The following NDUFS2 variants were observed in gnomAD, a reference collection of about 807,000 sequenced individuals.
The protein encoded by NDUFS2 is NADH:ubiquinone oxidoreductase core subunit S2, also known as NADH dehydrogenase [ubiquinone] iron-sulfur protein 2, mitochondrial.
NDUFS2 carries 38 observed loss-of-function variants against 69.6 expected under a neutral mutation model. The ratio of observed to expected loss-of-function variants is 0.55; its 90% CI spans 0.42 to 0.72. The LOEUF is 0.72. NDUFS2 is among the 30% of genes least tolerant of loss of function. The probability of loss-of-function intolerance (pLI) is 0.00; values close to 1 mark genes in which losing one functional copy is unlikely to be tolerated. For missense variants in NDUFS2, 468 were observed against 595.0 expected (o/e 0.79, Z 2.22); for synonymous variants, 194 against 211.2 (o/e 0.92, Z 0.70).
chr1:161,203,789 A>G, intron 2 of NDUFS2: 1 of 506,626 alleles, frequency 2.0e-6, no homozygotes, highest in South Asian at 2.0e-5. Context: ...TTTTGTAGAG[A>G]CAGAGTCTTG....
upstream of NDUFS2, chr1:161,198,069 C>G (rs1259613493): frequency 6.2e-7 from 1 of 1,610,400 alleles, no homozygotes; most frequent in Admixed American, 1.7e-5. This position sits in a 1 kb window ranked among gnomAD's most constrained non-coding sequence, Gnocchi z 4.7. Context: ...TGACCGCTGG[C>G]AGGACTCTTC....
rs773625598 is a variant in NDUFS2, at chr1:161,213,406, C to T, written c.1143C>T (p.His381=). The part of the protein sequence containing the change: ...MKTSMESLIH[H]FKLYTEGYQV... Reference sequence around the variant, plus strand: ...CTTCCATGGAGTCACTGATTCATCACTTTAAGTTGTATACTGAGGGCTACC... The same window carrying T: ...CTTCCATGGAGTCACTGATTCATCATTTTAAGTTGTATACTGAGGGCTACC... Residue 381 remains histidine, a synonymous_variant, in exon 11 of 14, where the codon CAC becomes CAT. Transcript: ENST00000676972. 4 of 1,610,750 alleles carry T rather than the reference C, an allele frequency of 2.5e-6. No individual in the cohort carries two copies. Among genetic ancestry groups the T allele is most frequent in the Non-Finnish European group, 8.5e-7 (1 of 1,178,132 alleles).
upstream of NDUFS2, chr1:161,198,061 A>G (rs776809346): frequency 6.8e-6 from 11 of 1,607,982 alleles, no homozygotes; most frequent in Non-Finnish European, 9.4e-6. The surrounding 1 kb of genome is among the most constrained non-coding windows in gnomAD (Gnocchi z 4.7). Flanking sequence ...TGGGACCTTG[A>G]CCGCTGGCAG....
Position 161,212,461 on chromosome 1 carries a change from C to T in NDUFS2, c.1097C>T (p.Pro366Leu). Residue 366 changes from proline to leucine, a missense_variant, in exon 10 of 14, where the codon CCT becomes CTT. By Grantham distance (98) the Pro-to-Leu change is moderately conservative (BLOSUM62 -3). Coordinates refer to ENST00000676972, the MANE Select transcript of NDUFS2 (RefSeq NM_001377299.1). Reference protein sequence around the residue: ...IKVDDAKVSPPKRAEMKTSME... With the variant: ...IKVDDAKVSPLKRAEMKTSME... ...GTTGATGATGCCAAAGTGTCTCCAC[C>T]TAAGCGAGCAGAGATGAAGGTTGGC... 2 of 1,613,584 alleles carry T rather than the reference C, an allele frequency of 1.2e-6. No homozygotes were observed. Among genetic ancestry groups the T allele is most frequent in the Non-Finnish European group, 1.7e-6 (2 of 1,179,886 alleles).
At chr1:161,200,642 C>T (rs1291252773), upstream of NDUFS2, among the ~76,000 whole-genome samples, 3 of 152,096 alleles carry the variant, frequency 2.0e-5, no homozygotes, top group East Asian at 5.8e-4. Flanking sequence ...TTGTGACTGC[C>T]AGACCCACCT....
chr1:161,209,032 C>A (rs997351292), intron 3 of NDUFS2, among the ~76,000 whole-genome samples, 161 bp from the exon 4 acceptor site: 3 of 152,154 alleles, frequency 2.0e-5, no homozygotes, highest in Non-Finnish European at 4.4e-5. Context: ...TAGAATACTA[C>A]TGGTTTTTGG....
intron 8 of NDUFS2, 27 bp downstream of exon 8, chr1:161,210,416 AGGAGTGGGGGTG>A: frequency 6.2e-7 from 1 of 1,606,864 alleles, no homozygotes; most frequent in Non-Finnish European, 8.5e-7. Context: ...TTCTCTCCGT[AGGAGTGGGGGTG>A]GGAGTGGGGG....
chr1:161,204,219 C>CA (rs1480343711), intron 2 of NDUFS2, among the ~76,000 whole-genome samples: 1 of 152,172 alleles, frequency 6.6e-6, no homozygotes, highest in Admixed American at 6.6e-5. Flanking sequence ...TACATGAATA[C>CA]AAACCATTTT....
At chr1:161,208,141 C>T (rs1040413679) in intron 3 of NDUFS2, among the ~76,000 whole-genome samples, 4 of 151,948 alleles carry the variant, frequency 2.6e-5, no homozygotes, top group Admixed American at 6.6e-5. Flanking sequence ...CTCACCACCA[C>T]GCCCAGCTAA....
In NDUFS2 at chr1:161,212,565, T is replaced by C. The variant is rs575606864; in HGVS notation, c.1116+85T>C. ...AGTATCCTTGGATTAAATCCTATCTTTTGGTTTTCTTTTTTTTTTGAGACA... is the reference window on the plus strand; with the variant it reads ...AGTATCCTTGGATTAAATCCTATCTCTTGGTTTTCTTTTTTTTTTGAGACA... On this transcript the variant is annotated intron_variant, in intron 10 of 13. Transcript: ENST00000676972. The C allele has an allele frequency of 2.1e-3, 3,207 of 1,547,104 alleles. 8 individuals are homozygous for C. The highest frequency in any genetic ancestry group is 3.1e-3 in the Middle Eastern group (15 of 4,786).
In NDUFS2 at chr1:161,202,393, C is replaced by T. The variant is rs1307069883; in HGVS notation, c.8C>T (p.Ala3Val). 3.1e-6 allele frequency: 5 copies of T among 1,611,584 alleles called. No individual in the cohort carries two copies. The highest frequency in any genetic ancestry group is 1.3e-5 in the African/African-American group (1 of 74,892). Reference sequence around the variant, plus strand: ...GTCTGCAGCCGGAGTAAGATGGCGGCGCTGAGGGCTTTGTGCGGCTTCCGG... The same window carrying T: ...GTCTGCAGCCGGAGTAAGATGGCGGTGCTGAGGGCTTTGTGCGGCTTCCGG... The part of the protein sequence containing the change: MA[A>V]LRALCGFRGV... The change falls in exon 1 of 14, where the codon GCG becomes GTG. Residue 3 changes from alanine to valine, a missense_variant. Physicochemically the swap from Ala to Val is moderately conservative, Grantham distance 64. Transcript: ENST00000676972.
chr1:161,209,325 C>T lies in NDUFS2; in HGVS notation c.514+12C>T. 6.2e-7 allele frequency: 1 copy of T among 1,614,122 alleles called. No individual in the cohort carries two copies. The highest frequency in any genetic ancestry group is 8.5e-7 in the Non-Finnish European group (1 of 1,180,030). On this transcript the variant is annotated intron_variant, in intron 4 of 13. Transcript: ENST00000676972. The stretch of plus-strand genomic sequence containing the variant: ...ACAGTGGATCCGAGGTATGTCCCCC[C>T]AACTTTTTCTGTGGCCCACTGTGAG...
upstream of NDUFS2, chr1:161,198,488 G>T: frequency 6.4e-7 from 1 of 1,568,664 alleles, no homozygotes; most frequent in African/African-American, 1.4e-5. This position sits in a 1 kb window ranked among gnomAD's most constrained non-coding sequence, Gnocchi z 4.7. Context: ...CCGGGCTGAG[G>T]GCAGGAGAGA....
chr1:161,206,040 C>T (rs1665439710), intron 2 of NDUFS2, among the ~76,000 whole-genome samples: 1 of 152,080 alleles, frequency 6.6e-6, no homozygotes, highest in African/African-American at 2.4e-5. Flanking sequence ...GTACCTATTA[C>T]TCATAACAGT....
At chr1:161,203,986 CAACAGACATAATAGTGATA>C in intron 2 of NDUFS2, 1 of 253,826 alleles carries the variant, frequency 3.9e-6, no homozygotes, top group African/African-American at 2.2e-5. Flanking sequence ...CCACGAAATT[CAACAGACATAATAGTGATA>C]ACAACAGGTA....
chr1:161,198,787 G>A (rs912280719), upstream of NDUFS2: 26 of 660,188 alleles, frequency 3.9e-5, no homozygotes, highest in Non-Finnish European at 5.6e-5. This position sits in a 1 kb window ranked among gnomAD's most constrained non-coding sequence, Gnocchi z 4.7. Flanking sequence ...AAAGGAAATG[G>A]AGAAAACTTA....
chr1:161,209,132 GCAGCCAGA>G, intron 3 of NDUFS2, 53 bp from the exon 4 acceptor site: 1 of 1,612,954 alleles, frequency 6.2e-7, no homozygotes, highest in Non-Finnish European at 8.5e-7. Context: ...AAGGCTTCAG[GCAGCCAGA>G]CTGTGGGCTC....
chr1:161,198,156 C>G (rs775332575), upstream of NDUFS2: 1 of 1,613,992 alleles, frequency 6.2e-7, no homozygotes, highest in East Asian at 2.2e-5. This position sits in a 1 kb window ranked among gnomAD's most constrained non-coding sequence, Gnocchi z 4.7. Flanking sequence ...TGGAGTTCAG[C>G]CCCCCGATAT....
intron 2 of NDUFS2, among the ~76,000 whole-genome samples, chr1:161,205,305 C>T (rs1311819689): frequency 4.6e-5 from 7 of 152,088 alleles, no homozygotes; most frequent in Non-Finnish European, 8.8e-5. Context: ...GAACCACTAC[C>T]CCCTACTTTG....
Sources: gnomAD v4.1 joint callset for allele counts (sites outside exome capture counted in the v4.1 genomes callset) on GRCh38, gnomAD v4.1.1 for gene constraint, Gnocchi (gnomAD v3.1) non-coding constraint, MANE v1.5 for transcripts, NCBI Gene and HGNC (gene_info 2026-07-23, HGNC 2026-07-21) for gene names.